The following ARHGEF4 variants were observed in gnomAD, a reference collection of about 807,000 sequenced individuals.
The protein encoded by ARHGEF4 is APC-stimulated guanine nucleotide exchange factor 1.
Under a neutral mutation model 162.0 loss-of-function variants are expected in ARHGEF4, and 119 were observed. The observed-to-expected ratio is 0.73, with a 90% CI of 0.63 to 0.86. The LOEUF (loss-of-function observed/expected upper bound fraction) is 0.86. Among genes scored for constraint, ARHGEF4 ranks in the 40% least tolerant of loss-of-function variants. The pLI is 0.00. For synonymous variants in ARHGEF4, 1,014 were observed against 979.9 expected (o/e 1.03, Z -0.65); for missense variants, 2,488 against 2,456.0 (o/e 1.01, Z -0.28).
At chr2:130,891,692 C>T (rs578234871) in intron 1 of ARHGEF4, among the ~76,000 whole-genome samples, 9 of 152,286 alleles carry the variant, frequency 5.9e-5, no homozygotes, top group Admixed American at 2.6e-4. Context: ...TGTGCATGCA[C>T]GTCCCTGGCG....
intron 1 of ARHGEF4, among the ~76,000 whole-genome samples, chr2:130,903,285 A>G (rs1200360545): frequency 6.7e-6 from 1 of 148,210 alleles, no homozygotes; most frequent in East Asian, 2.0e-4. Flanking sequence ...TCCCCAAGAC[A>G]GAGTCTCGCT....
chr2:131,005,581 G>A (rs1018336214), intron 4 of ARHGEF4, among the ~76,000 whole-genome samples: 7 of 152,216 alleles, frequency 4.6e-5, no homozygotes, highest in Non-Finnish European at 7.3e-5. Flanking sequence ...CTGGGACCCT[G>A]GAGATGCTTC....
rs552305170 is a variant in ARHGEF4, at chr2:130,864,561, T to C, written c.39+27569T>C. 1.3e-4 allele frequency among the ~76,000 whole-genome samples: 20 copies of C among 152,210 alleles called. 1 individual carries two copies. The South Asian group carries it at 3.9e-3, about 30-fold the overall frequency. ...CCAACATGGGAAATCCCTTCTCTACTGAAATACAAAAAATTAGCCAGATGT... is the reference window on the plus strand; with the variant it reads ...CCAACATGGGAAATCCCTTCTCTACCGAAATACAAAAAATTAGCCAGATGT... On this transcript the variant is annotated intron_variant, in intron 1 of 13. Coordinates refer to ENST00000409359, the MANE Select transcript of ARHGEF4 (RefSeq NM_001367493.1).
chr2:131,017,730 G>A (rs115214719), intron 4 of ARHGEF4, among the ~76,000 whole-genome samples: 5,814 of 152,206 alleles, frequency 0.038, 166 homozygotes, highest in Non-Finnish European at 0.061. Context: ...TGCTATTCAC[G>A]GATCAAATTA....
intron 1 of ARHGEF4, among the ~76,000 whole-genome samples, chr2:130,877,548 G>A (rs1344252663): frequency 6.6e-6 from 1 of 152,154 alleles, no homozygotes; most frequent in South Asian, 2.1e-4. Flanking sequence ...TGCTTGGGGG[G>A]CTGAGGTGGA....
intron 5 of ARHGEF4, among the ~76,000 whole-genome samples, chr2:131,030,213 T>TTGG (rs1335623800): frequency 6.7e-6 from 1 of 148,394 alleles, no homozygotes; most frequent in Non-Finnish European, 1.5e-5. Context: ...AAATTATGGA[T>TTGG]TGTCACATCT....
At chr2:130,957,189 C>T (rs1574297136) in intron 4 of ARHGEF4, among the ~76,000 whole-genome samples, 1 of 151,086 alleles carries the variant, frequency 6.6e-6, no homozygotes, top group South Asian at 2.1e-4. Flanking sequence ...AATAAAAAGA[C>T]TAATTCTTCA....
At chr2:130,902,922 GT>G (rs1335872405) in intron 1 of ARHGEF4, among the ~76,000 whole-genome samples, 1 of 119,152 alleles carries the variant, frequency 8.4e-6, no homozygotes, top group African/African-American at 2.9e-5. Flanking sequence ...CAGGGGCTCT[GT>G]TTTTTTGTTC....
chr2:130,923,944 G>A (rs1341784284), intron 2 of ARHGEF4, among the ~76,000 whole-genome samples: 18 of 150,116 alleles, frequency 1.2e-4, no homozygotes, highest in African/African-American at 3.9e-4. Context: ...GCAGTGGCAC[G>A]ATCTCGGCTC....
intron 1 of ARHGEF4, among the ~76,000 whole-genome samples, chr2:130,907,692 G>A (rs1167063511): frequency 1.4e-4 from 22 of 151,766 alleles, no homozygotes; most frequent in African/African-American, 4.8e-4. Context: ...GGTGGCCCAC[G>A]CCTGTAATCC....
chr2:130,874,816 C>T (rs540894796), intron 1 of ARHGEF4, among the ~76,000 whole-genome samples: 6 of 152,122 alleles, frequency 3.9e-5, no homozygotes, highest in African/African-American at 7.2e-5. Context: ...CACAGATCTG[C>T]GGTCCATTTC....
intron 4 of ARHGEF4, among the ~76,000 whole-genome samples, chr2:131,022,672 C>A (rs113217251): frequency 3.0e-4 from 39 of 128,270 alleles, no homozygotes; most frequent in African/African-American, 1.1e-3. Flanking sequence ...AAAAAAAAAA[C>A]AAAAACCCCA....
At chr2:130,903,569 A>T (rs1369378993) in intron 1 of ARHGEF4, among the ~76,000 whole-genome samples, 1 of 152,030 alleles carries the variant, frequency 6.6e-6, no homozygotes, top group East Asian at 1.9e-4. Context: ...ACATTTTTTT[A>T]AGATCCAAGC....
At chr2:131,021,335 A>C (rs1040777774) in intron 4 of ARHGEF4, among the ~76,000 whole-genome samples, 7 of 152,162 alleles carry the variant, frequency 4.6e-5, no homozygotes, top group Non-Finnish European at 5.9e-5. Flanking sequence ...CCATATCTAC[A>C]ACTATCTGAT....
intron 4 of ARHGEF4, among the ~76,000 whole-genome samples, chr2:131,010,618 C>A (rs1688387507): frequency 6.6e-6 from 1 of 152,210 alleles, no homozygotes; most frequent in Non-Finnish European, 1.5e-5. Context: ...GCATTGCATG[C>A]TACTAATGTC....
At chr2:130,839,212 C>T (rs112703859) in intron 1 of ARHGEF4, among the ~76,000 whole-genome samples, 2 of 152,182 alleles carry the variant, frequency 1.3e-5, no homozygotes, top group African/African-American at 4.8e-5. Context: ...AGACACTGGT[C>T]GTAAGGAATA....
chr2:130,946,239 G>A (rs952601722), intron 3 of ARHGEF4, among the ~76,000 whole-genome samples: 6 of 152,176 alleles, frequency 3.9e-5, no homozygotes, highest in Non-Finnish European at 8.8e-5. Flanking sequence ...GGGGAGAGTT[G>A]GGAGTCTGAA....
intron 4 of ARHGEF4, among the ~76,000 whole-genome samples, chr2:131,012,387 C>G (rs1688512186): frequency 6.6e-6 from 1 of 152,272 alleles, no homozygotes; most frequent in Non-Finnish European, 1.5e-5. Context: ...CCATAAGAAG[C>G]CTTTACAATG....
At chr2:131,040,589 C>A in intron 8 of ARHGEF4, 149 bp downstream of exon 8, 1 of 947,472 alleles carries the variant, frequency 1.1e-6, no homozygotes, top group Non-Finnish European at 1.5e-6. Flanking sequence ...CTGCCCGCAC[C>A]CTTCAGGACA....
Sources: allele counts gnomAD v4.1 joint callset (sites outside exome capture counted in the v4.1 genomes callset), GRCh38; gene constraint gnomAD v4.1.1; transcripts MANE v1.5; gene names NCBI Gene and HGNC (gene_info 2026-07-23, HGNC 2026-07-21).